Variants in CCN6 observed in about 807,000 individuals in gnomAD.
CCN6 encodes the protein cellular communication network factor 6, also known as CCN family member 6.
Under a neutral mutation model 37.4 loss-of-function variants are expected in CCN6, and 31 were observed. The observed-to-expected ratio is 0.83, with a 90% CI of 0.62 to 1.12. CCN6 has a LOEUF of 1.12. Ranked by LOEUF, CCN6 falls within the 50% of genes most tolerant of loss-of-function variation. The pLI, the probability that CCN6 is intolerant of heterozygous loss-of-function variation, is 0.00. For missense variants in CCN6, 369 were observed against 413.8 expected (o/e 0.89, Z 0.94); for synonymous variants, 137 against 142.1 (o/e 0.96, Z 0.26).
chr6:112,068,151 T>C, intron 3 of CCN6, 54 bp from the exon 4 acceptor site: 5 of 1,353,114 alleles, frequency 3.7e-6, no homozygotes, highest in Non-Finnish European at 5.1e-6. Flanking sequence ...AAATTATCTA[T>C]TTATACAAGT....
chr6:112,053,404 C>T (rs369084178), upstream of CCN6, among the ~76,000 whole-genome samples: 32 of 151,246 alleles, frequency 2.1e-4, no homozygotes, highest in East Asian at 9.7e-4. Flanking sequence ...TCAAGCGATT[C>T]TCCTGCCTCA....
Position 112,054,286 on chromosome 6 carries a change from C to T in CCN6, c.-72C>T, listed in dbSNP as rs1554311337. On this transcript the variant is annotated 5_prime_UTR_variant, in exon 1 of 5. Transcript: ENST00000368666. ...GGGGTTTGCAGAGGAGACAGGGGAGCTTTGTGTACCCGGAGCAATGAACAA... is the reference window on the plus strand; with the variant it reads ...GGGGTTTGCAGAGGAGACAGGGGAGTTTTGTGTACCCGGAGCAATGAACAA... 1.2e-6 allele frequency: 2 copies of T among 1,612,670 alleles called. No homozygotes were observed. The highest frequency in any genetic ancestry group is 1.1e-5 in the South Asian group (1 of 91,012).
Position 112,069,651 on chromosome 6 carries a change from T to A in CCN6, c.*31T>A, listed in dbSNP as rs782183174. 4 of 1,612,426 alleles carry A rather than the reference T, an allele frequency of 2.5e-6. No individual in the cohort carries two copies. The highest frequency in any genetic ancestry group is 1.7e-5 in the Admixed American group (1 of 59,966). On this transcript the variant is annotated 3_prime_UTR_variant, in exon 5 of 5. Coordinates refer to ENST00000368666, the MANE Select transcript of CCN6 (RefSeq NM_198239.2). ...AGCAAATGGGGGAAAAGTTAGTCAATCCTGTCATATAATAAAAAAATTAGT... is the reference window on the plus strand; with the variant it reads ...AGCAAATGGGGGAAAAGTTAGTCAAACCTGTCATATAATAAAAAAATTAGT...
rs1554312857 is a variant in CCN6 at position 112,061,361 on chromosome 6, C to T, written c.346+73C>T. On this transcript the variant is annotated intron_variant, in intron 2 of 4. Transcript: ENST00000368666. ...AATTTTTTTTTCCTGCAATTGTTAG[C>T]TTGGAGTGATCAGCTTAGTTTGGCT... 5.0e-6 allele frequency: 8 copies of T among 1,602,122 alleles called. No homozygotes were observed. The Admixed American group carries it at 1.3e-4, about 27-fold the overall frequency.
At chr6:112,059,459 C>A (rs1477979319) in intron 1 of CCN6, among the ~76,000 whole-genome samples, 4 of 152,136 alleles carry the variant, frequency 2.6e-5, no homozygotes, top group African/African-American at 9.7e-5. Context: ...GGACCATGAC[C>A]CATTTCAGCA....
At position 112,069,463 on chromosome 6, in the gene CCN6, G is replaced by A. The variant is rs1776810408; in HGVS notation, c.908G>A (p.Arg303Lys). Residue 303 changes from arginine to lysine, a missense_variant, in exon 5 of 5, where the codon AGA becomes AAA. Transcript: ENST00000368666. ...PTFCGICLDK[R>K]CCIPNKSKMI... ...TTTTGTGGAATATGCTTGGATAAGA[G>A]ATGCTGTATCCCTAATAAGTCTAAA... The A allele has an allele frequency of 1.2e-6, 2 of 1,613,732 alleles. No homozygotes were observed.
At chr6:112,059,615 C>T (rs1220361542) in intron 1 of CCN6, among the ~76,000 whole-genome samples, 1 of 152,220 alleles carries the variant, frequency 6.6e-6, no homozygotes, top group Non-Finnish European at 1.5e-5. Context: ...AAGTTGATCA[C>T]ATATGCAAAA....
In CCN6 at chr6:112,064,837, C is replaced by G; in HGVS notation, c.429C>G (p.Cys143Trp). 1 of 1,614,096 alleles carries G rather than the reference C, an allele frequency of 6.2e-7. No homozygotes were observed. The highest frequency in any genetic ancestry group is 1.1e-5 in the South Asian group (1 of 91,080). ...QVFQPNPLFSCLCVSGAIGCT... is the reference protein window; with the variant it reads ...QVFQPNPLFSWLCVSGAIGCT... ...TTCAGCCCAACCCCTTGTTCAGCTG[C>G]CTCTGTGTGAGTGGGGCCATTGGAT... is the stretch of plus-strand genomic sequence containing the variant. The change falls in exon 3 of 5, where the codon TGC becomes TGG. Residue 143 changes from cysteine to tryptophan, a missense_variant. Physicochemically the swap from Cys to Trp is radical, Grantham distance 215. Transcript: ENST00000368666.
intron 4 of CCN6, 47 bp from the exon 5 acceptor site, chr6:112,069,292 A>C (rs1554314678): frequency 1.3e-6 from 2 of 1,584,556 alleles, no homozygotes; most frequent in Non-Finnish European, 1.7e-6. Context: ...TTTCAAAACT[A>C]TTGTAATAAA....
intron 1 of CCN6, chr6:112,059,881 T>C (rs770894196): frequency 5.9e-6 from 7 of 1,185,832 alleles, no homozygotes; most frequent in Non-Finnish European, 6.7e-6. Flanking sequence ...AACTGAAATG[T>C]GTAGGTAATA....
chr6:112,054,084 C>T, upstream of CCN6: 1 of 617,102 alleles, frequency 1.6e-6, no homozygotes, highest in Non-Finnish European at 3.0e-6. Context: ...TCCTGAGTCC[C>T]GGGAGGAAAG....
intron 1 of CCN6, among the ~76,000 whole-genome samples, chr6:112,058,960 A>G (rs1554312275): frequency 6.6e-6 from 1 of 152,204 alleles, no homozygotes; most frequent in Non-Finnish European, 1.5e-5. Context: ...GGGTACTTGT[A>G]GAACCTCAAA....
At chr6:112,068,437 A>G in intron 4 of CCN6, 39 bp downstream of exon 4, 3 of 1,541,488 alleles carry the variant, frequency 1.9e-6, no homozygotes, top group Non-Finnish European at 2.7e-6. Context: ...CAATATTAAG[A>G]GATTCCTGAA....
chr6:112,068,125 C>A, intron 3 of CCN6, 80 bp from the exon 4 acceptor site: 1 of 1,187,194 alleles, frequency 8.4e-7, no homozygotes, highest in Non-Finnish European at 1.2e-6. Context: ...ATTTCTTAAA[C>A]ATTAAACATG....
At chr6:112,055,352 A>G (rs1357331277) in intron 1 of CCN6, among the ~76,000 whole-genome samples, 1 of 152,190 alleles carries the variant, frequency 6.6e-6, no homozygotes, top group Non-Finnish European at 1.5e-5. Context: ...AAAGCCTGTC[A>G]TTGTGGATTG....
At chr6:112,060,468 A>G (rs1776480102) in intron 1 of CCN6, among the ~76,000 whole-genome samples, 1 of 152,208 alleles carries the variant, frequency 6.6e-6, no homozygotes, top group Non-Finnish European at 1.5e-5. Flanking sequence ...ATCTCAAGGT[A>G]TTTTGGAAAT....
chr6:112,062,177 T>G (rs587673183), intron 2 of CCN6, among the ~76,000 whole-genome samples: 1 of 152,216 alleles, frequency 6.6e-6, no homozygotes, highest in Non-Finnish European at 1.5e-5. Context: ...TTGTTTATTC[T>G]CTGTGTGTCT....
chr6:112,061,480 G>C (rs1554312876), intron 2 of CCN6, 192 bp downstream of exon 2: 1 of 676,722 alleles, frequency 1.5e-6, no homozygotes, highest in Non-Finnish European at 2.5e-6. Context: ...CACACATTCA[G>C]AAGCCCATTA....
In CCN6 at chr6:112,069,654, T is replaced by C. The variant is rs782345566; in HGVS notation, c.*34T>C. 1 of 1,611,930 alleles carries C rather than the reference T, an allele frequency of 6.2e-7. No individual in the cohort carries two copies. Among genetic ancestry groups the C allele is most frequent in the South Asian group, 1.1e-5 (1 of 90,754 alleles). Reference sequence around the variant, plus strand: ...AAATGGGGGAAAAGTTAGTCAATCCTGTCATATAATAAAAAAATTAGTGAG... The same window carrying C: ...AAATGGGGGAAAAGTTAGTCAATCCCGTCATATAATAAAAAAATTAGTGAG... On this transcript the variant is annotated 3_prime_UTR_variant, in exon 5 of 5. Transcript: ENST00000368666.
Sources: gnomAD v4.1 joint callset for allele counts (sites outside exome capture counted in the v4.1 genomes callset) on GRCh38, gnomAD v4.1.1 for gene constraint, MANE v1.5 for transcripts, NCBI Gene and HGNC (gene_info 2026-07-23, HGNC 2026-07-21) for gene names.